Variants in STXBP5 observed in about 807,000 individuals in gnomAD.
STXBP5 encodes syntaxin binding protein 5.
In STXBP5, 50 loss-of-function variants were observed where a neutral mutation model predicts 152.4. The observed-to-expected ratio is 0.33, with a 90% confidence interval of 0.26 to 0.42. STXBP5 has a LOEUF of 0.42. Ranked by LOEUF, STXBP5 falls within the 10% of genes least tolerant of loss-of-function variation. The pLI, the probability that STXBP5 is intolerant of heterozygous loss-of-function variation, is 1.00. For synonymous variants in STXBP5, 492 were observed against 494.7 expected (o/e 0.99, Z 0.07); for missense variants, 1,167 against 1,388.6 (o/e 0.84, Z 2.54).
intron 21 of STXBP5, among the ~76,000 whole-genome samples, chr6:147,347,046 T>C (rs1183912914): frequency 2.0e-5 from 3 of 152,160 alleles, no homozygotes; most frequent in Admixed American, 2.0e-4. Context: ...CTGGCATGAC[T>C]GGAATATTTG....
At chr6:147,309,125 G>A (rs1782242226) in intron 9 of STXBP5, among the ~76,000 whole-genome samples, 1 of 152,060 alleles carries the variant, frequency 6.6e-6, no homozygotes, top group African/African-American at 2.4e-5. Context: ...TTAACCATTA[G>A]ATATTATTAC....
intron 2 of STXBP5, among the ~76,000 whole-genome samples, chr6:147,227,818 T>C (rs949977971): frequency 3.9e-5 from 6 of 152,166 alleles, no homozygotes; most frequent in African/African-American, 1.4e-4. Flanking sequence ...TTTCTTTTCC[T>C]GTGATGACTT....
At chr6:147,325,372 C>G (rs1783195328) in intron 17 of STXBP5, among the ~76,000 whole-genome samples, 2 of 152,068 alleles carry the variant, frequency 1.3e-5, no homozygotes, top group African/African-American at 2.4e-5. Flanking sequence ...AATATACTCC[C>G]AGAAATAATT....
At chr6:147,230,230 C>G (rs765977835) in intron 2 of STXBP5, among the ~76,000 whole-genome samples, 47 of 151,988 alleles carry the variant, frequency 3.1e-4, no homozygotes, top group Non-Finnish European at 6.2e-4. Context: ...TTGGTCCTCT[C>G]AGTAGCTGTA....
Position 147,389,402 on chromosome 6 carries a change from T to C in STXBP5, c.*4647T>C, listed in dbSNP as rs555099537. 28 of 151,990 alleles carry C rather than the reference T, an allele frequency of 1.8e-4. No homozygotes were observed. The highest frequency in any genetic ancestry group is 6.5e-4 in the African/African-American group (27 of 41,560). 9.4% of individuals were successfully genotyped at this position (151,990 alleles called of 1,614,324 possible). A position where few individuals can be genotyped will look rare whatever the true frequency, so the allele number is the denominator to read the frequency against. The stretch of plus-strand genomic sequence containing the variant: ...GTTATAACATTGCTTTCTTCAGTTA[T>C]TAATACAGTCAAATTAATTTTAACA... On this transcript the variant is annotated 3_prime_UTR_variant, in exon 28 of 28. Coordinates refer to ENST00000321680, the MANE Select transcript of STXBP5 (RefSeq NM_001127715.4).
intron 9 of STXBP5, among the ~76,000 whole-genome samples, chr6:147,301,937 G>C (rs981131548): frequency 6.6e-6 from 1 of 152,070 alleles, no homozygotes; most frequent in Non-Finnish European, 1.5e-5. Context: ...GACTATTATA[G>C]CTTTGTGTTA....
In STXBP5 at chr6:147,364,472, T is replaced by TAC. The variant is rs568856549; in HGVS notation, c.3081+316_3081+317dup. ...CTCTACATAGAATAAATATCTATTA[T>TAC]ACACACACACAGTCCTTTTTAAAGA... On this transcript the variant is annotated intron_variant, in intron 25 of 27. Transcript: ENST00000321680. Among the ~76,000 whole-genome samples, 12 of 152,276 alleles carry TAC rather than the reference T, an allele frequency of 7.9e-5. No homozygotes were observed. In the South Asian group the frequency reaches 2.3e-3, roughly 29 times the overall value.
chr6:147,368,100 C>T (rs1250826677), intron 25 of STXBP5, among the ~76,000 whole-genome samples: 1 of 152,122 alleles, frequency 6.6e-6, no homozygotes, highest in African/African-American at 2.4e-5. Flanking sequence ...AGAAATAACA[C>T]CGGTTCACAA....
At chr6:147,232,580 A>G (rs1029351957) in intron 2 of STXBP5, among the ~76,000 whole-genome samples, 4 of 151,754 alleles carry the variant, frequency 2.6e-5, no homozygotes, top group Non-Finnish European at 5.9e-5. Context: ...TTACAGGAAA[A>G]GGGAATGAAA....
chr6:147,221,744 CT>C (rs1344198903), intron 2 of STXBP5, among the ~76,000 whole-genome samples: 102 of 136,142 alleles, frequency 7.5e-4, no homozygotes, highest in East Asian at 1.1e-3. Flanking sequence ...GTGTAGCTTT[CT>C]TTTTTTTTTT....
At chr6:147,222,970 G>A (rs962800459) in intron 2 of STXBP5, among the ~76,000 whole-genome samples, 10 of 152,222 alleles carry the variant, frequency 6.6e-5, no homozygotes, top group African/African-American at 2.2e-4. Context: ...CTTTCAGCAA[G>A]TTGTGATTCT....
At chr6:147,309,408 C>A (rs1450754328) in intron 9 of STXBP5, among the ~76,000 whole-genome samples, 4 of 151,906 alleles carry the variant, frequency 2.6e-5, no homozygotes, top group African/African-American at 9.7e-5. Context: ...AAAAAATAAG[C>A]ATATATTAAT....
At chr6:147,278,034 T>C in intron 7 of STXBP5, 47 bp from the exon 8 acceptor site, 2 of 1,504,158 alleles carry the variant, frequency 1.3e-6, no homozygotes, top group Non-Finnish European at 1.8e-6. Context: ...ACAAATAGTT[T>C]ACTGTTTAAA....
chr6:147,240,211 G>C (rs752435893), intron 4 of STXBP5, among the ~76,000 whole-genome samples: 27 of 152,062 alleles, frequency 1.8e-4, no homozygotes, highest in Non-Finnish European at 3.5e-4. Flanking sequence ...CAAAGAGCTG[G>C]GATTACAGGC....
At chr6:147,287,064 A>G (rs1455038058) in intron 8 of STXBP5, among the ~76,000 whole-genome samples, 2 of 151,350 alleles carry the variant, frequency 1.3e-5, no homozygotes, top group Non-Finnish European at 2.9e-5. Context: ...TATGAGGTAC[A>G]TGAGATATTT....
intron 4 of STXBP5, among the ~76,000 whole-genome samples, chr6:147,245,765 A>G (rs1406085044): frequency 6.6e-6 from 1 of 152,180 alleles, no homozygotes; most frequent in African/African-American, 2.4e-5. Context: ...CAGACACAGA[A>G]ACTCAGACAA....
chr6:147,235,410 T>C (rs1437578034), intron 3 of STXBP5, 79 bp downstream of exon 3: 1 of 1,113,042 alleles, frequency 9.0e-7, no homozygotes, highest in Non-Finnish European at 1.3e-6. Context: ...TTACATGCAT[T>C]CACAATTTAT....
chr6:147,304,567 G>T (rs1562474622), intron 9 of STXBP5, among the ~76,000 whole-genome samples: 1 of 152,096 alleles, frequency 6.6e-6, no homozygotes, highest in Non-Finnish European at 1.5e-5. Context: ...GCTGTGAGAA[G>T]AGGGCCACCA....
intron 21 of STXBP5, among the ~76,000 whole-genome samples, chr6:147,340,983 G>C (rs1011177047): frequency 6.6e-6 from 1 of 151,970 alleles, no homozygotes; most frequent in East Asian, 1.9e-4. Context: ...ACTTCATTCA[G>C]CTTTTCAAAA....
Sources: allele counts gnomAD v4.1 joint callset (sites outside exome capture counted in the v4.1 genomes callset), GRCh38; gene constraint gnomAD v4.1.1; transcripts MANE v1.5; gene names NCBI Gene and HGNC (gene_info 2026-07-23, HGNC 2026-07-21).